Variants in KALRN observed in about 807,000 individuals in gnomAD.
KALRN encodes kalirin RhoGEF kinase, also known as kalirin.
In KALRN, 70 loss-of-function variants were observed where a neutral mutation model predicts 353.7. That is an observed-to-expected ratio of 0.20 (90% confidence interval 0.16 to 0.24). The LOEUF (loss-of-function observed/expected upper bound fraction) is 0.24, where lower values mean the gene tolerates loss of function less well. Ranked by LOEUF, KALRN falls within the 10% of genes least tolerant of loss-of-function variation. KALRN has a pLI of 1.00. For synonymous variants in KALRN, 1,391 were observed against 1,434.8 expected (o/e 0.97, Z 0.69); for missense variants, 2,791 against 3,756.7 (o/e 0.74, Z 6.72).
intron 54 of KALRN, 44 bp downstream of exon 54, chr3:124,696,299 T>C: frequency 6.3e-7 from 1 of 1,588,404 alleles, no homozygotes; most frequent in Non-Finnish European, 8.6e-7. Context: ...TATATATATA[T>C]TTTTAGACAG....
chr3:124,363,719 C>T (rs2149704540), intron 10 of KALRN, among the ~76,000 whole-genome samples: 1 of 152,294 alleles, frequency 6.6e-6, no homozygotes, highest in Non-Finnish European at 1.5e-5. Context: ...ACTCTTGATG[C>T]CCTGGGCTTC....
At position 124,326,067 on chromosome 3, in the gene KALRN, A is replaced by G. The variant is rs1003519497; in HGVS notation, c.1180A>G (p.Ile394Val). The change falls in exon 7 of 60, where the codon ATC (isoleucine) becomes GTC (valine). Residue 394 changes from isoleucine to valine, a missense_variant. This residue lies in a region of KALRN where 366 missense variants were observed against 489.2 expected (regional missense o/e 0.75). Coordinates refer to ENST00000682506, the MANE Select transcript of KALRN (RefSeq NM_001388419.1). ...GHYASQQIKQ[I>V]STQLDQEWKS... ...TTATGCCTCACAACAAATCAAGCAG[A>G]TCTCCACCCAGCTGGACCAGGAGTG... is the stretch of plus-strand genomic sequence containing the variant. 2 of 1,613,750 alleles carry G rather than the reference A, an allele frequency of 1.2e-6. No homozygotes were observed. Among genetic ancestry groups the G allele is most frequent in the African/African-American group, 2.7e-5 (2 of 74,910 alleles).
chr3:124,314,811 A>G (rs1027557601), intron 6 of KALRN, among the ~76,000 whole-genome samples: 1 of 141,216 alleles, frequency 7.1e-6, no homozygotes, highest in Non-Finnish European at 1.6e-5. Context: ...GTATGCCACC[A>G]TGCTGGCTAA....
rs760513524 is a variant in KALRN, at chr3:124,438,876, A to G, written c.3049-12A>G. ...ATTAATTTACTGAGTCTTTTCTTCC[A>G]TGATTCACTAGGTGTGTAGTGTCCT... On this transcript the variant is annotated splice_polypyrimidine_tract_variant and intron_variant, in intron 17 of 59. Transcript: ENST00000682506. The G allele has an allele frequency of 1.2e-6, 2 of 1,600,138 alleles. No homozygotes were observed. Among genetic ancestry groups the G allele is most frequent in the South Asian group, 1.1e-5 (1 of 89,620 alleles).
At chr3:124,333,904 A>G (rs571882284) in intron 8 of KALRN, among the ~76,000 whole-genome samples, 5 of 152,280 alleles carry the variant, frequency 3.3e-5, no homozygotes, top group African/African-American at 1.2e-4. Flanking sequence ...AAACAAACAA[A>G]CAAACAAAAA....
At chr3:124,248,710 G>C (rs115364834) in intron 3 of KALRN, among the ~76,000 whole-genome samples, 818 of 152,304 alleles carry the variant, frequency 5.4e-3, no homozygotes, top group Non-Finnish European at 9.0e-3. Flanking sequence ...TTTCCCATTT[G>C]TTCTAGGTCA....
At chr3:124,409,949 G>C (rs941880910) in intron 13 of KALRN, among the ~76,000 whole-genome samples, 8 of 152,162 alleles carry the variant, frequency 5.3e-5, no homozygotes, top group Non-Finnish European at 1.2e-4. Flanking sequence ...TGCGGACCCA[G>C]GGAGGGCAGC....
intron 9 of KALRN, among the ~76,000 whole-genome samples, chr3:124,337,134 T>C (rs943607855): frequency 6.6e-6 from 1 of 152,192 alleles, no homozygotes; most frequent in Non-Finnish European, 1.5e-5. Context: ...CTGTTCCTAT[T>C]TGAATACCCT....
At chr3:124,090,362 G>A (rs181813173) in intron 1 of KALRN, among the ~76,000 whole-genome samples, 239 of 152,348 alleles carry the variant, frequency 1.6e-3, no homozygotes, top group African/African-American at 5.3e-3. Flanking sequence ...CACAAAAGCT[G>A]AGGCAAGGAG....
chr3:124,343,542 T>C (rs1202470686), intron 9 of KALRN, among the ~76,000 whole-genome samples: 1 of 152,196 alleles, frequency 6.6e-6, no homozygotes, highest in African/African-American at 2.4e-5. Context: ...GGATGAACAA[T>C]GGATTCTCCC....
intron 33 of KALRN, among the ~76,000 whole-genome samples, chr3:124,509,104 G>A (rs755610560): frequency 2.6e-5 from 4 of 152,074 alleles, no homozygotes; most frequent in East Asian, 1.9e-4. Flanking sequence ...AAATCTTTTC[G>A]TTCTCCTTAT....
intron 37 of KALRN, among the ~76,000 whole-genome samples, chr3:124,638,222 C>T (rs982814590): frequency 2.2e-4 from 33 of 152,068 alleles, no homozygotes; most frequent in African/African-American, 7.2e-4. Flanking sequence ...TGGAAAGCTA[C>T]CTAATAATTT....
chr3:124,448,196 G>A (rs967529090), intron 21 of KALRN, among the ~76,000 whole-genome samples: 5 of 152,252 alleles, frequency 3.3e-5, no homozygotes, highest in Non-Finnish European at 5.9e-5. Context: ...TCCTACCTTT[G>A]TAACTGTCTT....
chr3:124,370,098 A>T (rs2085628903), intron 10 of KALRN, among the ~76,000 whole-genome samples: 2 of 152,240 alleles, frequency 1.3e-5, no homozygotes, highest in South Asian at 2.1e-4. Flanking sequence ...CATAAGTTCC[A>T]TCAAGTTCAA....
At chr3:124,382,728 T>C (rs557852081) in intron 10 of KALRN, among the ~76,000 whole-genome samples, 39 of 152,308 alleles carry the variant, frequency 2.6e-4, no homozygotes, top group African/African-American at 9.1e-4. Flanking sequence ...ATCCTGAGAC[T>C]CTTTAGGATT....
At position 124,334,221 on chromosome 3, in the gene KALRN, C is replaced by G. The variant is rs777973337; in HGVS notation, c.1417-44C>G. On this transcript the variant is annotated intron_variant, in intron 8 of 59. Coordinates refer to ENST00000682506, the MANE Select transcript of KALRN (RefSeq NM_001388419.1). This position sits in a 1 kb window ranked among gnomAD's most constrained non-coding sequence, Gnocchi z 4.2. ...CTTCCTGCTTCTCTCTGTGCCCTGC[C>G]TATCACCCTTTTCCCTTAACTTAAA... The G allele has an allele frequency of 7.2e-6, 11 of 1,522,012 alleles. No homozygotes were observed. The highest frequency in any genetic ancestry group is 1.8e-6 in the Non-Finnish European group (2 of 1,096,646). 94.3% of individuals were successfully genotyped at this position (1,522,012 alleles called of 1,614,324 possible).
intron 1 of KALRN, among the ~76,000 whole-genome samples, chr3:124,195,931 C>T (rs764150947): frequency 6.6e-6 from 1 of 152,164 alleles, no homozygotes; most frequent in Non-Finnish European, 1.5e-5. Context: ...AAGAAATTCA[C>T]AGAGGGAAAG....
intron 33 of KALRN, among the ~76,000 whole-genome samples, chr3:124,531,039 A>G (rs926125469): frequency 5.3e-4 from 81 of 152,330 alleles, no homozygotes; most frequent in African/African-American, 1.9e-3. Context: ...ATAGGCCCTC[A>G]GGGATTCTCT....
At chr3:124,490,542 T>C (rs1238935696) in intron 29 of KALRN, 152 bp from the exon 30 acceptor site, 7 of 634,170 alleles carry the variant, frequency 1.1e-5, no homozygotes, top group Non-Finnish European at 1.4e-5. Context: ...ATGGAAGTGT[T>C]CAGCAGTCTC....
Sources: allele counts gnomAD v4.1 joint callset (sites outside exome capture counted in the v4.1 genomes callset), GRCh38; gene constraint gnomAD v4.1.1; regional missense constraint gnomAD v4.1.1; non-coding constraint Gnocchi (gnomAD v3.1); transcripts MANE v1.5; gene names NCBI Gene and HGNC (gene_info 2026-07-23, HGNC 2026-07-21).